The following TMEM163 variants were observed in gnomAD, a reference collection of about 807,000 sequenced individuals.
The protein encoded by TMEM163 is transmembrane protein 163.
A neutral mutation model predicts 29.3 loss-of-function variants in TMEM163; 17 were observed. The ratio of observed to expected loss-of-function variants is 0.58; its 90% CI spans 0.40 to 0.87. The LOEUF is 0.87. Among genes scored for constraint, TMEM163 ranks in the 40% least tolerant of loss-of-function variants. The pLI is 0.00. For missense variants in TMEM163, 303 were observed against 381.5 expected (o/e 0.79, Z 1.71); for synonymous variants, 157 against 160.6 (o/e 0.98, Z 0.17).
chr2:134,710,147 G>C (rs1366673152), intron 2 of TMEM163, among the ~76,000 whole-genome samples: 2 of 152,090 alleles, frequency 1.3e-5, no homozygotes, highest in African/African-American at 4.8e-5. Flanking sequence ...GCCACCTTAG[G>C]CACATGTTTT....
intron 2 of TMEM163, among the ~76,000 whole-genome samples, chr2:134,674,484 C>T (rs1433960979): frequency 5.9e-5 from 7 of 118,906 alleles, no homozygotes; most frequent in Non-Finnish European, 8.6e-5. Flanking sequence ...GCTGGGACTA[C>T]AGGCGCGCGC....
At chr2:134,691,634 A>T (rs1457978193) in intron 2 of TMEM163, among the ~76,000 whole-genome samples, 1 of 152,148 alleles carries the variant, frequency 6.6e-6, no homozygotes, top group Non-Finnish European at 1.5e-5. Context: ...TCTCCAATAG[A>T]CAGCACTATG....
At chr2:134,600,854 C>T (rs910504781) in intron 2 of TMEM163, among the ~76,000 whole-genome samples, 3 of 152,114 alleles carry the variant, frequency 2.0e-5, no homozygotes, top group African/African-American at 7.2e-5. Flanking sequence ...CCTCTCTGGG[C>T]CCCAGCTCCC....
intron 4 of TMEM163, among the ~76,000 whole-genome samples, chr2:134,548,307 A>G (rs1680835396): frequency 6.6e-6 from 1 of 152,216 alleles, no homozygotes; most frequent in African/African-American, 2.4e-5. Context: ...ACTATTAATA[A>G]ATACTTTTTC....
intron 1 of TMEM163, among the ~76,000 whole-genome samples, chr2:134,716,572 G>T (rs1012692066): frequency 1.3e-5 from 2 of 152,130 alleles, no homozygotes; most frequent in African/African-American, 4.8e-5. Flanking sequence ...AGGTATTTAG[G>T]CCTGAAAGAA....
chr2:134,513,856 G>A (rs1679999536), intron 4 of TMEM163, among the ~76,000 whole-genome samples: 1 of 152,196 alleles, frequency 6.6e-6, no homozygotes, highest in Non-Finnish European at 1.5e-5. Context: ...AGGACTGAAA[G>A]CCAAGATGAT....
Position 134,458,045 on chromosome 2 carries a change from C to G in TMEM163, c.796G>C (p.Ala266Pro), listed in dbSNP as rs1558908578. The change falls in exon 7 of 8, where the codon GCC becomes CCC. Residue 266 changes from alanine to proline, a missense_variant. This residue lies in a region of TMEM163 where 203 missense variants were observed against 294.3 expected (regional missense o/e 0.69). Transcript: ENST00000281924. ...ACAAGAACCTACTTGACCCCATAGGCAAATATGGTGAGGCCGATCAGAACG... is the reference window on the plus strand; with the variant it reads ...ACAAGAACCTACTTGACCCCATAGGGAAATATGGTGAGGCCGATCAGAACG... The part of the protein sequence containing the change: ...IGVLIGLTIF[A>P]YGVKLLIDMV... 5.6e-6 allele frequency: 9 copies of G among 1,614,160 alleles called. No homozygotes were observed. The highest frequency in any genetic ancestry group is 6.8e-6 in the Non-Finnish European group (8 of 1,180,038).
At chr2:134,473,952 A>G (rs1686861360) in intron 5 of TMEM163, among the ~76,000 whole-genome samples, 1 of 152,334 alleles carries the variant, frequency 6.6e-6, no homozygotes, top group South Asian at 2.1e-4. Flanking sequence ...AAGGAGAAAT[A>G]ACCAATTCTA....
chr2:134,680,400 C>T (rs1033442255), intron 2 of TMEM163, among the ~76,000 whole-genome samples: 10 of 151,722 alleles, frequency 6.6e-5, no homozygotes, highest in African/African-American at 2.2e-4. Flanking sequence ...TGTAGTGAGG[C>T]GAGATCGCAC....
In TMEM163 at chr2:134,602,356, T is replaced by C. The variant is rs573621173; in HGVS notation, c.323-50265A>G. On this transcript the variant is annotated intron_variant, in intron 2 of 7. Transcript: ENST00000281924. ...CCTCCCGCATGCCTGTCCATGATCT[T>C]CCCCTTCCTACAGCCACAGCAGCAA... Among the ~76,000 whole-genome samples the C allele has an allele frequency of 7.9e-5, 12 of 152,278 alleles. No individual in the cohort carries two copies. The East Asian group carries it at 2.3e-3, about 29-fold the overall frequency.
At chr2:134,526,083 C>T (rs565728) in intron 4 of TMEM163, among the ~76,000 whole-genome samples, 73,494 of 152,050 alleles carry the variant, frequency 0.48, 19,340 homozygotes, top group East Asian at 0.72. Context: ...CTTCTAGTGC[C>T]AACCATGGTG....
intron 2 of TMEM163, among the ~76,000 whole-genome samples, chr2:134,584,382 A>C (rs1210088432): frequency 6.6e-6 from 1 of 152,160 alleles, no homozygotes; most frequent in Middle Eastern, 3.2e-3. Flanking sequence ...ACATCCACAA[A>C]AGCATGTGTG....
chr2:134,650,353 AAAT>A (rs1328812491), intron 2 of TMEM163, among the ~76,000 whole-genome samples: 3 of 152,134 alleles, frequency 2.0e-5, no homozygotes, highest in Non-Finnish European at 2.9e-5. Context: ...CAAAAAATTT[AAAT>A]AATAAGGTTG....
chr2:134,534,230 G>A (rs1169849179), intron 4 of TMEM163, among the ~76,000 whole-genome samples: 2 of 151,940 alleles, frequency 1.3e-5, no homozygotes, highest in Non-Finnish European at 2.9e-5. Context: ...CAGGTTTTAG[G>A]AAATGCAGCT....
intron 4 of TMEM163, among the ~76,000 whole-genome samples, chr2:134,536,439 C>T (rs896411562): frequency 4.6e-5 from 7 of 152,106 alleles, no homozygotes; most frequent in African/African-American, 1.7e-4. Context: ...CGCGAAGACT[C>T]CCTGGGGCCT....
chr2:134,623,625 G>C lies in TMEM163; in HGVS notation c.323-71534C>G, dbSNP rs921248287. On this transcript the variant is annotated intron_variant, in intron 2 of 7. Transcript: ENST00000281924. ...TCTATTAAAAACATGAAATTAGCCTGGCATGATGGCAGGTGCCTATAATCC... is the reference window on the plus strand; with the variant it reads ...TCTATTAAAAACATGAAATTAGCCTCGCATGATGGCAGGTGCCTATAATCC... Among the ~76,000 whole-genome samples, 4 of 152,092 alleles carry C rather than the reference G, an allele frequency of 2.6e-5. 1 individual carries two copies. Among genetic ancestry groups the C allele is most frequent in the Admixed American group, 2.6e-4 (4 of 15,262 alleles).
intron 2 of TMEM163, among the ~76,000 whole-genome samples, chr2:134,620,951 A>G (rs1299768093): frequency 6.6e-6 from 1 of 152,206 alleles, no homozygotes; most frequent in Non-Finnish European, 1.5e-5. Context: ...CACCAAAAAC[A>G]CAATTCCCAA....
chr2:134,514,355 C>CATAAA (rs1217371247), intron 4 of TMEM163, among the ~76,000 whole-genome samples: 1 of 147,124 alleles, frequency 6.8e-6, no homozygotes, highest in Non-Finnish European at 1.5e-5. Context: ...TTGGGCCACA[C>CATAAA]ATAAAATACA....
Position 134,617,370 on chromosome 2 carries a change from G to A in TMEM163, c.323-65279C>T, listed in dbSNP as rs372686623. 3.0e-4 allele frequency among the ~76,000 whole-genome samples: 45 copies of A among 152,192 alleles called. 1 individual carries two copies. The South Asian group carries it at 8.3e-3, about 28-fold the overall frequency. On this transcript the variant is annotated intron_variant, in intron 2 of 7. Coordinates refer to ENST00000281924, the MANE Select transcript of TMEM163 (RefSeq NM_030923.5). ...TCATGCCTGTAATCCCAGCACTTTC[G>A]GAGGCCGAGGCGGGCAGATTACCTG...
Sources: gnomAD v4.1 joint callset for allele counts (sites outside exome capture counted in the v4.1 genomes callset) on GRCh38, gnomAD v4.1.1 for gene constraint, gnomAD v4.1.1 regional missense constraint, MANE v1.5 for transcripts, NCBI Gene and HGNC (gene_info 2026-07-23, HGNC 2026-07-21) for gene names.